The following THRB variants were observed in gnomAD, a reference collection of about 807,000 sequenced individuals.
THRB encodes thyroid hormone receptor beta.
THRB carries 12 observed loss-of-function variants against 47.8 expected under a neutral mutation model. The ratio of observed to expected loss-of-function variants is 0.25; its 90% CI spans 0.16 to 0.41. The LOEUF is 0.41. THRB is among the 10% of genes least tolerant of loss of function. THRB has a pLI of 1.00. For synonymous variants in THRB, 218 were observed against 212.2 expected, an observed-to-expected ratio of 1.03 and a Z score of -0.24; for missense variants, 348 against 589.2, an observed-to-expected ratio of 0.59 and a Z score of 4.24.
chr3:24,256,681 T>G (rs114960734), intron 3 of THRB, among the ~76,000 whole-genome samples: 2,352 of 152,168 alleles, frequency 0.015, 66 homozygotes, highest in African/African-American at 0.053. Flanking sequence ...GAAGGGAGGA[T>G]GGACACAGAT....
At chr3:24,418,392 A>AC (rs1401319591) in intron 1 of THRB, among the ~76,000 whole-genome samples, 2 of 151,358 alleles carry the variant, frequency 1.3e-5, no homozygotes, top group African/African-American at 4.9e-5. Flanking sequence ...GTAGACCTCC[A>AC]CCCCCACTTA....
At chr3:24,306,575 T>C (rs982664257) in intron 2 of THRB, among the ~76,000 whole-genome samples, 9 of 152,190 alleles carry the variant, frequency 5.9e-5, no homozygotes, top group East Asian at 3.9e-4. Context: ...ACTCTAGGAA[T>C]GGTGGTGGCT....
chr3:24,447,867 A>G (rs975508434), intron 1 of THRB, among the ~76,000 whole-genome samples: 1 of 151,980 alleles, frequency 6.6e-6, no homozygotes. Context: ...TTTGAACTAT[A>G]AAGAGAAAAG....
Position 24,490,181 on chromosome 3 carries a change from G to C in THRB, c.-261+4471C>G, listed in dbSNP as rs147570077. 3.9e-5 allele frequency among the ~76,000 whole-genome samples: 6 copies of C among 152,292 alleles called. No homozygotes were observed. The East Asian group carries it at 9.6e-4, about 24-fold the overall frequency. ...ACTGAAAAATGGCTAGCAGAGCCAG[G>C]TACATAGTAGATACATAAATATTTG... On this transcript the variant is annotated intron_variant, in intron 1 of 10. Coordinates refer to ENST00000646209, the MANE Select transcript of THRB (RefSeq NM_001354712.2).
At chr3:24,468,232 G>A (rs1469688580) in intron 1 of THRB, among the ~76,000 whole-genome samples, 3 of 152,198 alleles carry the variant, frequency 2.0e-5, no homozygotes, top group Non-Finnish European at 2.9e-5. Context: ...TTTGGCTTAA[G>A]GGAATGTTGC....
intron 4 of THRB, among the ~76,000 whole-genome samples, chr3:24,206,015 C>T (rs569375220): frequency 6.6e-6 from 1 of 152,240 alleles, no homozygotes; most frequent in Non-Finnish European, 1.5e-5. Flanking sequence ...TCCTTAGTGA[C>T]CTACAAAGAG....
At chr3:24,480,024 A>G (rs1469366900) in intron 1 of THRB, among the ~76,000 whole-genome samples, 1 of 152,208 alleles carries the variant, frequency 6.6e-6, no homozygotes, top group Non-Finnish European at 1.5e-5. Flanking sequence ...CATGCTGTAT[A>G]AGAGTCCCCC....
At chr3:24,319,961 G>A (rs1287389284) in intron 2 of THRB, among the ~76,000 whole-genome samples, 1 of 152,174 alleles carries the variant, frequency 6.6e-6, no homozygotes, top group Non-Finnish European at 1.5e-5. Flanking sequence ...CTGCTCTGGA[G>A]GTCACACCTG....
At chr3:24,359,068 T>C (rs1169423217) in intron 1 of THRB, among the ~76,000 whole-genome samples, 1 of 152,132 alleles carries the variant, frequency 6.6e-6, no homozygotes, top group African/African-American at 2.4e-5. Flanking sequence ...ACCCCAAAAT[T>C]TAGTGGCTTA....
At chr3:24,222,163 C>T (rs748397156) in intron 4 of THRB, among the ~76,000 whole-genome samples, 5 of 152,208 alleles carry the variant, frequency 3.3e-5, no homozygotes, top group Non-Finnish European at 5.9e-5. Context: ...AACTCGTGAA[C>T]TGAGGTGCTG....
intron 1 of THRB, among the ~76,000 whole-genome samples, chr3:24,390,073 T>C (rs1328416835): frequency 1.3e-5 from 2 of 152,132 alleles, no homozygotes; most frequent in Non-Finnish European, 2.9e-5. Flanking sequence ...CTTTAGACCA[T>C]GTGCTCTTGG....
intron 5 of THRB, chr3:24,165,485 G>A (rs2039525390): frequency 1.7e-6 from 1 of 591,162 alleles, no homozygotes; most frequent in Non-Finnish European, 3.0e-6. Context: ...AACGCGAAGG[G>A]AAGATGAATA....
intron 3 of THRB, among the ~76,000 whole-genome samples, chr3:24,265,234 C>A (rs548303673): frequency 2.0e-5 from 3 of 152,268 alleles, no homozygotes; most frequent in Admixed American, 6.5e-5. Context: ...TTAGATCATG[C>A]AAGTAATGAG....
chr3:24,214,650 C>G (rs988698510), intron 4 of THRB, among the ~76,000 whole-genome samples: 5 of 152,154 alleles, frequency 3.3e-5, no homozygotes, highest in East Asian at 3.9e-4. Flanking sequence ...ACCTTGCTTG[C>G]CCCTTCTGAT....
chr3:24,487,554 A>C (rs1697494686), intron 1 of THRB, among the ~76,000 whole-genome samples: 1 of 152,222 alleles, frequency 6.6e-6, no homozygotes, highest in African/African-American at 2.4e-5. Flanking sequence ...AAAAAGTAAT[A>C]ATATAAGAAG....
intron 7 of THRB, 88 bp downstream of exon 7, chr3:24,146,587 C>A: frequency 7.2e-7 from 1 of 1,394,682 alleles, no homozygotes; most frequent in Non-Finnish European, 1.0e-6. Flanking sequence ...TGGGTTCCTG[C>A]CTTCTTTTCT....
intron 1 of THRB, among the ~76,000 whole-genome samples, chr3:24,406,723 T>C (rs1206301477): frequency 6.6e-6 from 1 of 151,846 alleles, no homozygotes; most frequent in African/African-American, 2.4e-5. Context: ...GTGAGATACA[T>C]AAAATAAGAT....
chr3:24,415,809 G>A (rs1373545543), intron 1 of THRB, among the ~76,000 whole-genome samples: 2 of 151,856 alleles, frequency 1.3e-5, no homozygotes, highest in African/African-American at 4.8e-5. Flanking sequence ...TGGAAATACT[G>A]AATGGCTAGT....
chr3:24,177,630 G>A (rs1044640150), intron 5 of THRB, among the ~76,000 whole-genome samples: 2 of 152,186 alleles, frequency 1.3e-5, no homozygotes. Flanking sequence ...GGGCATGGGG[G>A]CGCACAGAGG....
Sources: allele counts gnomAD v4.1 joint callset (sites outside exome capture counted in the v4.1 genomes callset), GRCh38; gene constraint gnomAD v4.1.1; transcripts MANE v1.5; gene names NCBI Gene and HGNC (gene_info 2026-07-23, HGNC 2026-07-21).